GTF2I: variants seen among roughly 807,000 people sequenced by gnomAD.
GTF2I encodes general transcription factor II-I.
A neutral mutation model predicts 67.6 loss-of-function variants in GTF2I; 12 were observed. That is an observed-to-expected ratio of 0.18 (90% CI 0.11 to 0.29). The LOEUF (loss-of-function observed/expected upper bound fraction) is 0.29, where lower values mean the gene tolerates loss of function less well. Among genes scored for constraint, GTF2I ranks in the 10% least tolerant of loss-of-function variants. The probability of loss-of-function intolerance (pLI) is 1.00; values close to 1 mark genes in which losing one functional copy is unlikely to be tolerated. For synonymous variants in GTF2I, 149 were observed against 197.0 expected (o/e 0.76, Z 2.04); for missense variants, 271 against 580.1 (o/e 0.47, Z 5.47).
intron 1 of GTF2I, among the ~76,000 whole-genome samples, chr7:74,665,328 T>C (rs1554388138): frequency 5.3e-5 from 8 of 151,982 alleles, no homozygotes. Flanking sequence ...CTCAGCTCAC[T>C]ACAACCCCTG....
rs376447958 is a variant in GTF2I at position 74,689,908 on chromosome 7, G to A, written c.99+681G>A. 1.3e-4 allele frequency among the ~76,000 whole-genome samples: 19 copies of A among 151,664 alleles called. No individual in the cohort carries two copies. The East Asian group carries it at 3.7e-3, about 30-fold the overall frequency. On this transcript the variant is annotated intron_variant, in intron 2 of 34. Coordinates refer to ENST00000573035, the MANE Select transcript of GTF2I (RefSeq NM_032999.4). The stretch of plus-strand genomic sequence containing the variant: ...TTTTTTGTATTTTTAGTAGAGACAG[G>A]GTTTCACCATGTTGGTCACGCGGGT...
intron 3 of GTF2I, among the ~76,000 whole-genome samples, chr7:74,692,754 T>G (rs1788452534): frequency 6.6e-6 from 1 of 152,178 alleles, no homozygotes; most frequent in Non-Finnish European, 1.5e-5. Flanking sequence ...TACCTCATTT[T>G]TTGTTGTTGT....
At chr7:74,719,687 A>G (rs1358346888) in intron 12 of GTF2I, among the ~76,000 whole-genome samples, 2 of 152,230 alleles carry the variant, frequency 1.3e-5, no homozygotes, top group African/African-American at 2.4e-5. Context: ...TGGGAGGCCA[A>G]GGTAGGCAGA....
chr7:74,664,973 C>T (rs1804841997), intron 1 of GTF2I, among the ~76,000 whole-genome samples: 1 of 150,332 alleles, frequency 6.7e-6, no homozygotes, highest in Non-Finnish European at 1.5e-5. Context: ...CAGAGTTTTG[C>T]TCTTGTTGCC....
intron 8 of GTF2I, 59 bp from the exon 9 acceptor site, chr7:74,710,973 C>T: frequency 2.5e-6 from 2 of 802,768 alleles, no homozygotes; most frequent in Non-Finnish European, 4.1e-6. Flanking sequence ...GAGGATTTCC[C>T]TACACAATCT....
At chr7:74,705,023 G>A (rs1171458277) in intron 6 of GTF2I, 141 bp from the exon 7 acceptor site, 4 of 648,092 alleles carry the variant, frequency 6.2e-6, no homozygotes, top group Middle Eastern at 2.9e-4. Context: ...TGGGTGAAGG[G>A]ATGAAAAGCA....
chr7:74,690,286 G>A (rs1554396651), intron 2 of GTF2I, among the ~76,000 whole-genome samples: 1 of 151,846 alleles, frequency 6.6e-6, no homozygotes. Context: ...TTTTTAGGGG[G>A]GAAAATTGGA....
At chr7:74,704,288 A>T (rs925403804) in intron 6 of GTF2I, among the ~76,000 whole-genome samples, 8 of 149,574 alleles carry the variant, frequency 5.3e-5, no homozygotes, top group Non-Finnish European at 1.0e-4. Flanking sequence ...TTATTTATTT[A>T]TTTATTTTTT....
intron 1 of GTF2I, among the ~76,000 whole-genome samples, chr7:74,681,715 C>T (rs1349906898): frequency 1.3e-5 from 2 of 152,162 alleles, no homozygotes; most frequent in African/African-American, 4.8e-5. Context: ...AGTTCGAGAC[C>T]AGCCTGGCCA....
chr7:74,684,290 G>A (rs966909753), intron 1 of GTF2I, among the ~76,000 whole-genome samples: 1 of 152,212 alleles, frequency 6.6e-6, no homozygotes, highest in Non-Finnish European at 1.5e-5. Flanking sequence ...ATTCATAAAA[G>A]GGATTGAGCA....
intron 3 of GTF2I, among the ~76,000 whole-genome samples, chr7:74,697,162 C>T (rs587685450): frequency 6.6e-6 from 1 of 152,140 alleles, no homozygotes; most frequent in Admixed American, 6.5e-5. Context: ...CTTTGGGAGG[C>T]AGAGGCAGGC....
intron 11 of GTF2I, among the ~76,000 whole-genome samples, chr7:74,718,429 C>T (rs1227204594): frequency 2.6e-5 from 4 of 152,194 alleles, no homozygotes; most frequent in Non-Finnish European, 1.5e-5. Context: ...GACACTCAGT[C>T]TCTTGATAGG....
chr7:74,664,090 A>T (rs1804759754), intron 1 of GTF2I, among the ~76,000 whole-genome samples: 4 of 152,048 alleles, frequency 2.6e-5, no homozygotes, highest in Admixed American at 2.6e-4. Flanking sequence ...TGGCCTCCGA[A>T]AGTGCTGGGC....
chr7:74,684,922 G>A (rs1787570074), intron 1 of GTF2I: 1 of 152,286 alleles, frequency 6.6e-6, no homozygotes, highest in African/African-American at 2.4e-5. Flanking sequence ...CCACAAAGAG[G>A]GGGCGGGCCG....
chr7:74,682,604 T>C (rs1197220984), intron 1 of GTF2I, among the ~76,000 whole-genome samples: 6 of 152,220 alleles, frequency 3.9e-5, no homozygotes, highest in African/African-American at 1.4e-4. Context: ...TGGAGGAAGC[T>C]GCCTTCACCC....
intron 26 of GTF2I, among the ~76,000 whole-genome samples, chr7:74,750,593 C>CTTT (rs782022584): frequency 2.5e-4 from 17 of 69,026 alleles, no homozygotes; most frequent in Non-Finnish European, 2.9e-4. Flanking sequence ...AAGCTGGCCA[C>CTTT]TTTTTTTTTT....
chr7:74,680,099 A>AAAAAAAAAAAAATATATAT, intron 1 of GTF2I, among the ~76,000 whole-genome samples: 2 of 94,976 alleles, frequency 2.1e-5, no homozygotes, highest in Non-Finnish European at 4.1e-5. Flanking sequence ...AAAAAAAAAA[A>AAAAAAAAAAAAATATATAT]ATATATATAT....
intron 1 of GTF2I, among the ~76,000 whole-genome samples, chr7:74,665,121 T>TAAA (rs1804856422): frequency 1.3e-5 from 2 of 151,184 alleles, no homozygotes; most frequent in African/African-American, 4.9e-5. Context: ...TTTGTATTTT[T>TAAA]AGTAGAGACG....
chr7:74,725,839 CTCTT>C (rs1221546192), intron 12 of GTF2I, among the ~76,000 whole-genome samples: 13 of 150,190 alleles, frequency 8.7e-5, no homozygotes, highest in South Asian at 2.1e-4. Context: ...TTGCCTTTTT[CTCTT>C]TCTTTTTTTT....
Sources: gnomAD v4.1 joint callset for allele counts (sites outside exome capture counted in the v4.1 genomes callset) on GRCh38, gnomAD v4.1.1 for gene constraint, MANE v1.5 for transcripts, NCBI Gene and HGNC (gene_info 2026-07-23, HGNC 2026-07-21) for gene names.